TMEM42: variants seen among roughly 807,000 people sequenced by gnomAD.
TMEM42 encodes the protein transmembrane protein 42.
In TMEM42, 8 loss-of-function variants were observed where a neutral mutation model predicts 14.0. That is an observed-to-expected ratio of 0.57 (90% CI 0.34 to 1.03). TMEM42 has a LOEUF of 1.03. Ranked by LOEUF, TMEM42 falls within the 50% of genes least tolerant of loss-of-function variation. TMEM42 has a pLI of 0.03. For missense variants in TMEM42, 211 were observed against 219.8 expected (o/e 0.96, Z 0.25); for synonymous variants, 115 against 94.3 (o/e 1.22, Z -1.27).
In TMEM42 at chr3:44,861,991, G is replaced by T; in HGVS notation, c.67G>T (p.Glu23Ter). ...SATAYPDTPA[E>*]FPPHLQAGAM... is the part of the protein sequence containing the mutation. ...GACCGCGTACCCTGACACCCCCGCGGAATTCCCTCCGCACCTCCAGGCGGG... is the reference window on the plus strand; with the variant it reads ...GACCGCGTACCCTGACACCCCCGCGTAATTCCCTCCGCACCTCCAGGCGGG... Residue 23 changes from glutamate (E) to a stop codon, truncating the protein, a stop_gained, in exon 1 of 3, where the codon GAA (glutamate) becomes TAA (stop). Transcript: ENST00000302392. LOFTEE classifies it high-confidence loss of function. 1 of 1,386,010 alleles carries T rather than the reference G, an allele frequency of 7.2e-7. No individual in the cohort carries two copies. Among genetic ancestry groups the T allele is most frequent in the Middle Eastern group, 2.0e-4 (1 of 5,044 alleles). 85.9% of individuals were successfully genotyped at this position (1,386,010 alleles called of 1,614,324 possible). A position where few individuals can be genotyped will look rare whatever the true frequency, so the allele number is the denominator to read the frequency against.
Position 44,865,412 on chromosome 3 carries a change from C to T in TMEM42, c.*232C>T. On this transcript the variant is annotated 3_prime_UTR_variant, in exon 3 of 3. Coordinates refer to ENST00000302392, the MANE Select transcript of TMEM42 (RefSeq NM_144638.3). Reference sequence around the variant, plus strand: ...GTACAGTGCTTTGGATTCTTCCTCCCAGGCCTACCCCAGTGAGCCTTCGCA... The same window carrying T: ...GTACAGTGCTTTGGATTCTTCCTCCTAGGCCTACCCCAGTGAGCCTTCGCA... 1 of 537,340 alleles carries T rather than the reference C, an allele frequency of 1.9e-6. No homozygotes were observed. Among genetic ancestry groups the T allele is most frequent in the South Asian group, 3.2e-5 (1 of 31,734 alleles). The allele number at this position is 537,340 out of a possible 1,614,324, so 33.3% of individuals were successfully genotyped here. A position where few individuals can be genotyped will look rare whatever the true frequency, so the allele number is the denominator to read the frequency against.
Position 44,865,390 on chromosome 3 carries a change from C to CA in TMEM42, c.*211dup. On this transcript the variant is annotated 3_prime_UTR_variant, in exon 3 of 3. Transcript: ENST00000302392. ...ACCGGAAGTGTTTTGATCATCTGTA[C>CA]AGTGCTTTGGATTCTTCCTCCCAGG... 1.6e-6 allele frequency: 1 copy of CA among 628,042 alleles called. No homozygotes were observed. Among genetic ancestry groups the CA allele is most frequent in the East Asian group, 2.8e-5 (1 of 35,618 alleles). 38.9% of individuals were successfully genotyped at this position (628,042 alleles called of 1,614,324 possible).
Position 44,863,309 on chromosome 3 carries a change from C to T in TMEM42, c.193-888C>T, listed in dbSNP as rs901014296. On this transcript the variant is annotated intron_variant, in intron 1 of 2. Transcript: ENST00000302392. ...TATATTTAGATTCCGCACCCCCCCC[C>T]CCCGCCGCCTTGTCTCCAGGCAGGT... The T allele has an allele frequency of 3.7e-4, 43 of 115,142 alleles. 6 individuals carry two copies. The highest frequency in any genetic ancestry group is 1.2e-3 in the African/African-American group (42 of 35,144). 7.1% of individuals were successfully genotyped at this position (115,142 alleles called of 1,614,324 possible).
Position 44,865,358 on chromosome 3 carries a change from G to A in TMEM42, c.*178G>A. 1.3e-6 allele frequency: 1 copy of A among 767,328 alleles called. No individual in the cohort carries two copies. Among genetic ancestry groups the A allele is most frequent in the South Asian group, 1.8e-5 (1 of 55,602 alleles). 47.5% of individuals were successfully genotyped at this position (767,328 alleles called of 1,614,324 possible). ...TGTAAGGAGAGGTGCAGCTGCAGCA[G>A]TGTTCTACCGGAAGTGTTTTGATCA... is the stretch of plus-strand genomic sequence containing the variant. On this transcript the variant is annotated 3_prime_UTR_variant, in exon 3 of 3. Coordinates refer to ENST00000302392, the MANE Select transcript of TMEM42 (RefSeq NM_144638.3).
rs760093404 is a variant in TMEM42, at chr3:44,865,168, C to G, written c.468C>G (p.His156Gln). The G allele has an allele frequency of 1.9e-6, 3 of 1,614,214 alleles. No individual in the cohort carries two copies. The highest frequency in any genetic ancestry group is 2.5e-6 in the Non-Finnish European group (3 of 1,180,046). ...KLPPTWKPLP[H>Q]KQQ is the part of the protein sequence containing the mutation. ...CACCCACCTGGAAGCCCCTTCCACA[C>G]AAGCAGCAGTAGCACCACTTGGCTA... is the stretch of plus-strand genomic sequence containing the variant. Residue 156 changes from histidine (H) to glutamine (Q), a missense_variant, in exon 3 of 3, where the codon CAC becomes CAG. Coordinates refer to ENST00000302392, the MANE Select transcript of TMEM42 (RefSeq NM_144638.3).
At chr3:44,862,263 C>A in intron 1 of TMEM42, 147 bp downstream of exon 1, 1 of 486,670 alleles carries the variant, frequency 2.1e-6, no homozygotes, top group Non-Finnish European at 2.7e-6. Flanking sequence ...GCCGGTCTGT[C>A]CCGCCGGGGC....
rs771885101 is a variant in TMEM42, at chr3:44,865,115, G to A, written c.415G>A (p.Gly139Arg). 9.3e-6 allele frequency: 15 copies of A among 1,613,948 alleles called. No individual in the cohort carries two copies. The highest frequency in any genetic ancestry group is 4.4e-5 in the South Asian group (4 of 91,080). Residue 139 changes from glycine to arginine, a missense_variant, in exon 3 of 3, where the codon GGA (glycine) becomes AGA (arginine). Transcript: ENST00000302392. ...WWGGVFLILC[G>R]LTLIHRKLPP... The stretch of plus-strand genomic sequence containing the variant: ...GGGAGGAGTGTTCCTTATTCTCTGC[G>A]GACTCACCCTAATCCACAGGAAGCT...
At position 44,861,932 on chromosome 3, in the gene TMEM42, A is replaced by C; in HGVS notation, c.8A>C (p.Glu3Ala). ...ACGGTGTCAGCAGGCAACATGGCCG[A>C]GAGGCCGGGGCCTCCGGGCGGCGCC... MA[E>A]RPGPPGGAVS... Residue 3 changes from glutamate to alanine, a missense_variant, in exon 1 of 3, where the codon GAG becomes GCG. Glu to Ala is a moderately radical substitution (Grantham distance 107). Transcript: ENST00000302392. 1 of 1,442,434 alleles carries C rather than the reference A, an allele frequency of 6.9e-7. No individual in the cohort carries two copies. The highest frequency in any genetic ancestry group is 9.1e-7 in the Non-Finnish European group (1 of 1,101,504). 89.4% of individuals were successfully genotyped at this position (1,442,434 alleles called of 1,614,324 possible). A position where few individuals can be genotyped will look rare whatever the true frequency, so the allele number is the denominator to read the frequency against.
At chr3:44,862,707 G>A (rs920678536) in intron 1 of TMEM42, 1 of 151,862 alleles carries the variant, frequency 6.6e-6, no homozygotes. Flanking sequence ...GCATCCTGGC[G>A]TCTGCTAAGG....
rs1176135926 is a variant in TMEM42, at chr3:44,861,935, G to A, written c.11G>A (p.Arg4Lys). 4.9e-6 allele frequency: 7 copies of A among 1,428,050 alleles called. No individual in the cohort carries two copies. In the South Asian group the frequency reaches 8.5e-5, roughly 17 times the overall value. 88.5% of individuals were successfully genotyped at this position (1,428,050 alleles called of 1,614,324 possible). Residue 4 changes from arginine (R) to lysine (K), a missense_variant, in exon 1 of 3, where the codon AGG becomes AAG. By Grantham distance (26) the Arg-to-Lys change is conservative. Coordinates refer to ENST00000302392, the MANE Select transcript of TMEM42 (RefSeq NM_144638.3). Reference sequence around the variant, plus strand: ...GTGTCAGCAGGCAACATGGCCGAGAGGCCGGGGCCTCCGGGCGGCGCCGTG... The same window carrying A: ...GTGTCAGCAGGCAACATGGCCGAGAAGCCGGGGCCTCCGGGCGGCGCCGTG... MAE[R>K]PGPPGGAVSA...
At chr3:44,862,729 C>G (rs1442999496) in intron 1 of TMEM42, 4 of 151,912 alleles carry the variant, frequency 2.6e-5, no homozygotes, top group Admixed American at 6.6e-5. Flanking sequence ...GTATCTCTGC[C>G]TCTCCCTCCC....
chr3:44,865,021 A>G lies in TMEM42; in HGVS notation c.340-19A>G, dbSNP rs769307734. On this transcript the variant is annotated intron_variant, in intron 2 of 2. Coordinates refer to ENST00000302392, the MANE Select transcript of TMEM42 (RefSeq NM_144638.3). The stretch of plus-strand genomic sequence containing the variant: ...CACCTGCTGAAGTTGAGTCCCTCAC[A>G]GCTATCTTTGTCTCGCAGGCCTTCC... 4 of 1,613,768 alleles carry G rather than the reference A, an allele frequency of 2.5e-6. No homozygotes were observed. Among genetic ancestry groups the G allele is most frequent in the African/African-American group, 1.3e-5 (1 of 75,020 alleles).
At chr3:44,862,149 G>A in intron 1 of TMEM42, 33 bp downstream of exon 1, 2 of 1,062,192 alleles carry the variant, frequency 1.9e-6, no homozygotes, top group Non-Finnish European at 2.3e-6. Flanking sequence ...TGCTGCTGCT[G>A]CGGGCGGGCG....
chr3:44,864,233 A>G lies in TMEM42; in HGVS notation c.229A>G (p.Met77Val). 1 of 1,614,134 alleles carries G rather than the reference A, an allele frequency of 6.2e-7. No homozygotes were observed. The highest frequency in any genetic ancestry group is 8.5e-7 in the Non-Finnish European group (1 of 1,180,022). Residue 77 changes from methionine (M) to valine (V), a missense_variant, in exon 2 of 3, where the codon ATG becomes GTG. Met to Val is a conservative substitution (Grantham distance 21). Coordinates refer to ENST00000302392, the MANE Select transcript of TMEM42 (RefSeq NM_144638.3). ...TTTATGCGTCTTAGGCATTATTGTG[A>G]TGGCGAGCACCAATTCTCTGATGTG... is the stretch of plus-strand genomic sequence containing the variant. Reference protein sequence around the residue: ...MGLCVLGIIVMASTNSLMWTF... With the variant: ...MGLCVLGIIVVASTNSLMWTF...
chr3:44,861,986 C>T lies in TMEM42; in HGVS notation c.62C>T (p.Pro21Leu). The T allele has an allele frequency of 7.2e-7, 1 of 1,383,130 alleles. No individual in the cohort carries two copies. The highest frequency in any genetic ancestry group is 9.4e-7 in the Non-Finnish European group (1 of 1,067,850). 85.7% of individuals were successfully genotyped at this position (1,383,130 alleles called of 1,614,324 possible). ...TCCGCGACCGCGTACCCTGACACCC[C>T]CGCGGAATTCCCTCCGCACCTCCAG... ...AVSATAYPDT[P>L]AEFPPHLQAG... Residue 21 changes from proline (P) to leucine (L), a missense_variant, in exon 1 of 3, where the codon CCC (proline) becomes CTC (leucine). Physicochemically the swap from Pro to Leu is moderately conservative, Grantham distance 98. Transcript: ENST00000302392.
intron 1 of TMEM42, 34 bp downstream of exon 1, chr3:44,862,150 C>A: frequency 3.2e-5 from 3 of 93,416 alleles, no homozygotes; most frequent in Non-Finnish European, 6.0e-5. Flanking sequence ...GCTGCTGCTG[C>A]GGGCGGGCGG....
intron 1 of TMEM42, 65 bp from the exon 2 acceptor site, chr3:44,864,132 C>T: frequency 6.2e-7 from 1 of 1,603,636 alleles, no homozygotes; most frequent in South Asian, 1.1e-5. Context: ...CCTGGGTGTG[C>T]TTTGAGGGGG....
chr3:44,865,382 C>A lies in TMEM42; in HGVS notation c.*202C>A. On this transcript the variant is annotated 3_prime_UTR_variant, in exon 3 of 3. Transcript: ENST00000302392. ...AGTGTTCTACCGGAAGTGTTTTGAT[C>A]ATCTGTACAGTGCTTTGGATTCTTC... 1.5e-6 allele frequency: 1 copy of A among 676,468 alleles called. No individual in the cohort carries two copies. The highest frequency in any genetic ancestry group is 2.5e-6 in the Non-Finnish European group (1 of 405,748). The allele number at this position is 676,468 out of a possible 1,614,324, so 41.9% of individuals were successfully genotyped here.
In TMEM42 at chr3:44,864,320, A is replaced by G. The variant is rs779592846; in HGVS notation, c.316A>G (p.Thr106Ala). Residue 106 changes from threonine to alanine, a missense_variant, in exon 2 of 3, where the codon ACT becomes GCT. Coordinates refer to ENST00000302392, the MANE Select transcript of TMEM42 (RefSeq NM_144638.3). Reference protein sequence around the residue: ...MSSAIASVTVTFSNILSSAFL... With the variant: ...MSSAIASVTVAFSNILSSAFL... ...TTCAGCCATTGCATCTGTCACAGTGACTTTTTCAAATATCCTCAGCTCGGT... is the reference window on the plus strand; with the variant it reads ...TTCAGCCATTGCATCTGTCACAGTGGCTTTTTCAAATATCCTCAGCTCGGT... 3 of 1,614,052 alleles carry G rather than the reference A, an allele frequency of 1.9e-6. No individual in the cohort carries two copies. The highest frequency in any genetic ancestry group is 3.3e-5 in the Admixed American group (2 of 60,022).
Sources: gnomAD v4.1 joint callset for allele counts on GRCh38, gnomAD v4.1.1 for gene constraint, MANE v1.5 for transcripts, NCBI Gene and HGNC (gene_info 2026-07-23, HGNC 2026-07-21) for gene names.